The following GABRA2 variants were observed in gnomAD, a reference collection of about 807,000 sequenced individuals.
GABRA2 encodes gamma-aminobutyric acid receptor subunit alpha-2.
GABRA2 carries 16 observed loss-of-function variants against 48.7 expected under a neutral mutation model. The ratio of observed to expected loss-of-function variants is 0.33; its 90% CI spans 0.22 to 0.50. The LOEUF (loss-of-function observed/expected upper bound fraction) is 0.50, where lower values mean the gene tolerates loss of function less well. GABRA2 is among the 20% of genes least tolerant of loss of function. GABRA2 has a pLI of 0.98. For synonymous variants in GABRA2, 185 were observed against 184.5 expected, an observed-to-expected ratio of 1.00 and a Z score of -0.02; for missense variants, 275 against 535.6, an observed-to-expected ratio of 0.51 and a Z score of 4.80.
intron 8 of GABRA2, among the ~76,000 whole-genome samples, chr4:46,264,536 C>A (rs1212940769): frequency 6.6e-6 from 1 of 151,954 alleles, no homozygotes; most frequent in Non-Finnish European, 1.5e-5. Context: ...ATAAATCCCA[C>A]TTTGTCATGC....
intron 5 of GABRA2, among the ~76,000 whole-genome samples, chr4:46,311,453 T>A (rs1727629432): frequency 2.0e-5 from 3 of 152,228 alleles, no homozygotes; most frequent in South Asian, 4.1e-4. Flanking sequence ...GTTTTAAATC[T>A]TTTATGAAAC....
chr4:46,302,233 A>T (rs1725871307), intron 8 of GABRA2, among the ~76,000 whole-genome samples: 1 of 151,944 alleles, frequency 6.6e-6, no homozygotes, highest in East Asian at 1.9e-4. Context: ...AGCTTGGCTA[A>T]TTATTTTTAG....
chr4:46,294,537 C>T (rs975162293), intron 8 of GABRA2, among the ~76,000 whole-genome samples: 6 of 152,162 alleles, frequency 3.9e-5, no homozygotes, highest in African/African-American at 1.4e-4. Flanking sequence ...GCATCCAGAA[C>T]AGAAGAAGGG....
rs1307009322 is a variant in GABRA2 at position 46,246,848 on chromosome 4, C to A, written c.*3460G>T. On this transcript the variant is annotated 3_prime_UTR_variant, in exon 10 of 10. Transcript: ENST00000381620. ...TGGATGCCAAAGAACCATGATAATGCAGAAGGTGACTTGAGCTACTTCCTT... is the reference window on the plus strand; with the variant it reads ...TGGATGCCAAAGAACCATGATAATGAAGAAGGTGACTTGAGCTACTTCCTT... Among the ~76,000 whole-genome samples, 2 of 151,058 alleles carry A rather than the reference C, an allele frequency of 1.3e-5. No individual in the cohort carries two copies. The highest frequency in any genetic ancestry group is 4.8e-5 in the African/African-American group (2 of 41,316).
At chr4:46,264,169 T>C (rs150480715) in intron 8 of GABRA2, among the ~76,000 whole-genome samples, 1,604 of 152,196 alleles carry the variant, frequency 0.011, 14 homozygotes, top group Middle Eastern at 0.017. Context: ...TTTTTCTACG[T>C]TGATTTTGTA....
At chr4:46,271,924 T>A (rs1719412281) in intron 8 of GABRA2, among the ~76,000 whole-genome samples, 1 of 151,754 alleles carries the variant, frequency 6.6e-6, no homozygotes, top group African/African-American at 2.4e-5. Context: ...TACATGCTGT[T>A]TACTCTACCT....
intron 8 of GABRA2, among the ~76,000 whole-genome samples, chr4:46,299,061 C>T (rs1725263429): frequency 6.6e-6 from 1 of 150,966 alleles, no homozygotes; most frequent in African/African-American, 2.4e-5. Context: ...AATTTTGACT[C>T]ATAAAAATAT....
At position 46,250,270 on chromosome 4, in the gene GABRA2, A is replaced by G. The variant is rs951964887; in HGVS notation, c.*38T>C. The stretch of plus-strand genomic sequence containing the variant: ...TACATAGCAAAACAAACCAAATTTA[A>G]TGTTGCTATACATCCCAAAGATAAC... On this transcript the variant is annotated 3_prime_UTR_variant, in exon 10 of 10. Coordinates refer to ENST00000381620, the MANE Select transcript of GABRA2 (RefSeq NM_000807.4). The G allele has an allele frequency of 1.9e-6, 3 of 1,552,236 alleles. No homozygotes were observed. In the African/African-American group the frequency reaches 4.1e-5, roughly 21 times the overall value.
Position 46,310,099 on chromosome 4 carries a change from A to G in GABRA2, c.559+74T>C, listed in dbSNP as rs922377331. On this transcript the variant is annotated intron_variant, in intron 6 of 9. Transcript: ENST00000381620. ...CATCTCATAATTTGAGAAAAAAACT[A>G]GACAATTGAGCAGTGCTGCTGACTT... 9.3e-5 allele frequency: 92 copies of G among 993,620 alleles called. No individual in the cohort carries two copies. The Admixed American group carries it at 1.7e-3, about 18-fold the overall frequency. The allele number at this position is 993,620 out of a possible 1,614,324, so 61.6% of individuals were successfully genotyped here.
chr4:46,359,143 C>A (rs1351551019), intron 3 of GABRA2, among the ~76,000 whole-genome samples: 1 of 152,086 alleles, frequency 6.6e-6, no homozygotes, highest in Non-Finnish European at 1.5e-5. Context: ...TTCTTCTTGA[C>A]CCAAAGTTTA....
In GABRA2 at chr4:46,245,817, G is replaced by A. The variant is rs535385874; in HGVS notation, c.*4491C>T. ...AACCTGTAAATTGTTCTTTACTATT[G>A]GCAATATTAGGTAATGTTATGTATT... is the stretch of plus-strand genomic sequence containing the variant. On this transcript the variant is annotated 3_prime_UTR_variant, in exon 10 of 10. Coordinates refer to ENST00000381620, the MANE Select transcript of GABRA2 (RefSeq NM_000807.4). Among the ~76,000 whole-genome samples the A allele has an allele frequency of 5.4e-4, 81 of 151,022 alleles. 1 individual carries two copies. In the South Asian group the frequency reaches 0.011, roughly 20 times the overall value.
At chr4:46,251,631 G>A (rs1714777553) in intron 9 of GABRA2, among the ~76,000 whole-genome samples, 1 of 151,332 alleles carries the variant, frequency 6.6e-6, no homozygotes, top group Non-Finnish European at 1.5e-5. Flanking sequence ...TCCTAAGAAA[G>A]GACTTTCTTA....
At chr4:46,280,823 T>C (rs1427700118) in intron 8 of GABRA2, among the ~76,000 whole-genome samples, 1 of 152,126 alleles carries the variant, frequency 6.6e-6, no homozygotes, top group Non-Finnish European at 1.5e-5. Context: ...CTGATCAAAA[T>C]GGGATTAGTG....
rs1307232542 is a variant in GABRA2 at position 46,343,221 on chromosome 4, T to A, written c.188-10539A>T. On this transcript the variant is annotated intron_variant, in intron 3 of 9. Coordinates refer to ENST00000381620, the MANE Select transcript of GABRA2 (RefSeq NM_000807.4). ...ACATTCCCTATAAGTTTCTTACATA[T>A]TGCATACATATTTTAAAATAAAAAC... 2.6e-5 allele frequency among the ~76,000 whole-genome samples: 4 copies of A among 152,010 alleles called. No homozygotes were observed. The East Asian group carries it at 5.8e-4, about 22-fold the overall frequency.
At chr4:46,389,107 GAGGAA>G in intron 1 of GABRA2, 1 of 1,004,556 alleles carries the variant, frequency 1.0e-6, no homozygotes, top group Non-Finnish European at 1.2e-6. Context: ...GAGGGGAGGG[GAGGAA>G]AGGAGAGGAG....
Position 46,245,969 on chromosome 4 carries a change from TTGA to T in GABRA2, c.*4336_*4338del, listed in dbSNP as rs1216138899. Among the ~76,000 whole-genome samples the T allele has an allele frequency of 2.6e-5, 4 of 151,200 alleles. No individual in the cohort carries two copies. The highest frequency in any genetic ancestry group is 7.3e-5 in the African/African-American group (3 of 41,310). On this transcript the variant is annotated 3_prime_UTR_variant, in exon 10 of 10. Coordinates refer to ENST00000381620, the MANE Select transcript of GABRA2 (RefSeq NM_000807.4). Reference sequence around the variant, plus strand: ...TGGAAGACACAGTGGTCTAGATATGTTGATAATTAAGAATTTTAGCAAAAAAAC... The same window carrying T: ...TGGAAGACACAGTGGTCTAGATATGTTAATTAAGAATTTTAGCAAAAAAAC...
chr4:46,333,774 T>G (rs901005735), intron 3 of GABRA2, among the ~76,000 whole-genome samples: 2 of 152,062 alleles, frequency 1.3e-5, no homozygotes, highest in African/African-American at 4.8e-5. Flanking sequence ...CCTATGCATG[T>G]GTACAATGAT....
At chr4:46,288,624 T>C (rs540355922) in intron 8 of GABRA2, among the ~76,000 whole-genome samples, 3 of 152,260 alleles carry the variant, frequency 2.0e-5, no homozygotes, top group Non-Finnish European at 2.9e-5. Flanking sequence ...GAAGAGAATC[T>C]AGGTAATACC....
intron 7 of GABRA2, among the ~76,000 whole-genome samples, chr4:46,303,843 T>G (rs1164272237): frequency 1.3e-5 from 2 of 152,182 alleles, no homozygotes; most frequent in Admixed American, 1.3e-4. Context: ...ATTGTACAGA[T>G]TAAGTACCTC....
Sources: gnomAD v4.1 joint callset for allele counts (sites outside exome capture counted in the v4.1 genomes callset) on GRCh38, gnomAD v4.1.1 for gene constraint, MANE v1.5 for transcripts, NCBI Gene and HGNC (gene_info 2026-07-23, HGNC 2026-07-21) for gene names.